The following MUS81 variants were observed in gnomAD, a reference collection of about 807,000 sequenced individuals.
The protein encoded by MUS81 is structure-specific endonuclease subunit MUS81.
In MUS81, 69 loss-of-function variants were observed where a neutral mutation model predicts 74.2. That is an observed-to-expected ratio of 0.93 (90% CI 0.77 to 1.14). MUS81 has a LOEUF of 1.14. MUS81 is among the 50% of genes most tolerant of loss of function. MUS81 has a pLI of 0.00. For synonymous variants in MUS81, 303 were observed against 300.6 expected, an observed-to-expected ratio of 1.01 and a Z score of -0.08; for missense variants, 711 against 726.5, an observed-to-expected ratio of 0.98 and a Z score of 0.25.
Position 65,860,595 on chromosome 11 carries a change from G to T in MUS81, c.-159G>T, listed in dbSNP as rs1238730096. ...GCGGCCGCAGGCTCTCCTCTCGTTAGTGCCCCCTGTGTTTGGGGCCCCGTG... is the reference window on the plus strand; with the variant it reads ...GCGGCCGCAGGCTCTCCTCTCGTTATTGCCCCCTGTGTTTGGGGCCCCGTG... On this transcript the variant is annotated 5_prime_UTR_variant, in exon 1 of 16. Transcript: ENST00000308110. 3 of 955,784 alleles carry T rather than the reference G, an allele frequency of 3.1e-6. No homozygotes were observed. The East Asian group carries it at 7.9e-5, about 25-fold the overall frequency. The allele number at this position is 955,784 out of a possible 1,614,324, so 59.2% of individuals were successfully genotyped here. A position where few individuals can be genotyped will look rare whatever the true frequency, so the allele number is the denominator to read the frequency against.
In MUS81 at chr11:65,863,893, G is replaced by T. The variant is rs1683735035; in HGVS notation, c.1051G>T (p.Glu351Ter). The change falls in exon 10 of 16, where the codon GAG becomes TAG. Residue 351 changes from glutamate (E) to a stop codon, truncating the protein, a stop_gained. Transcript: ENST00000308110. LOFTEE classifies it high-confidence loss of function. ...CAGCATCATCGACGGCCGCTTCCGG[G>T]AGCAGAAGGTAATTTTGCTGGCTTT... The part of the protein sequence containing the change: ...CSSIIDGRFR[E>*]QKFRLKRCGL... The T allele has an allele frequency of 6.2e-7, 1 of 1,613,982 alleles. No homozygotes were observed. Among genetic ancestry groups the T allele is most frequent in the Admixed American group, 1.7e-5 (1 of 60,002 alleles).
chr11:65,863,587 C>T lies in MUS81; in HGVS notation c.840-13C>T, dbSNP rs2134732824. The stretch of plus-strand genomic sequence containing the variant: ...CCCTGCTCTGATCTAGGCTTCCCTC[C>T]TTGCCACTCCAGGGGCGGGCACAGG... On this transcript the variant is annotated splice_polypyrimidine_tract_variant and intron_variant, in intron 8 of 15. Transcript: ENST00000308110. The T allele has an allele frequency of 1.2e-6, 2 of 1,613,984 alleles. No homozygotes were observed. The highest frequency in any genetic ancestry group is 1.7e-5 in the Admixed American group (1 of 59,992).
In MUS81 at chr11:65,862,973, G is replaced by T. The variant is rs185200407; in HGVS notation, c.606-92G>T. The T allele has an allele frequency of 5.1e-4, 799 of 1,554,402 alleles. 6 individuals are homozygous for T. In the African/African-American group the frequency reaches 9.4e-3, roughly 18 times the overall value. On this transcript the variant is annotated intron_variant, in intron 6 of 15. Coordinates refer to ENST00000308110, the MANE Select transcript of MUS81 (RefSeq NM_025128.5). Reference sequence around the variant, plus strand: ...GGTCATTTGTGCAGGGCGCCAAGGGGGTGGTGAGGCCAGCCCAGCTGGGGG... The same window carrying T: ...GGTCATTTGTGCAGGGCGCCAAGGGTGTGGTGAGGCCAGCCCAGCTGGGGG...
Position 65,860,784 on chromosome 11 carries a change from C to T in MUS81, c.31C>T (p.Arg11Cys). 6.5e-7 allele frequency: 1 copy of T among 1,537,346 alleles called. No homozygotes were observed. The highest frequency in any genetic ancestry group is 8.7e-7 in the Non-Finnish European group (1 of 1,146,262). MAAPVRLGRK[R>C]PLPACPNPLF... ...GGCCCCGGTCCGCCTGGGCCGGAAG[C>T]GCCCGCTGCCTGCCTGTCCCAACCC... Residue 11 changes from arginine (R) to cysteine (C), a missense_variant, in exon 1 of 16, where the codon CGC becomes TGC. Physicochemically the swap from Arg to Cys is radical, Grantham distance 180 (BLOSUM62 -3). Transcript: ENST00000308110.
At chr11:65,867,311 T>C, downstream of MUS81, 1 of 590,740 alleles carries the variant, frequency 1.7e-6, no homozygotes, top group Non-Finnish European at 3.0e-6. Context: ...TCCAGCCTGC[T>C]CTGTCTGACC....
intron 3 of MUS81, 50 bp from the exon 4 acceptor site, chr11:65,861,897 C>A: frequency 6.8e-7 from 1 of 1,471,930 alleles, no homozygotes; most frequent in Non-Finnish European, 9.3e-7. Flanking sequence ...GGGACTTATT[C>A]AAAGATGACT....
chr11:65,866,755 C>T (rs1311309620), downstream of MUS81: 1 of 924,908 alleles, frequency 1.1e-6, no homozygotes, highest in Non-Finnish European at 1.7e-6. Context: ...TTGGCCTGCC[C>T]CCCCAAGTGC....
chr11:65,860,065 C>T (rs1859525183), upstream of MUS81: 1 of 289,488 alleles, frequency 3.5e-6, no homozygotes, highest in Non-Finnish European at 7.4e-6. Context: ...CCCCGACTTC[C>T]TCTCCACCAC....
At chr11:65,861,166 C>G (rs942717957) in intron 2 of MUS81, 64 bp downstream of exon 2, 1 of 1,606,864 alleles carries the variant, frequency 6.2e-7, no homozygotes, top group Admixed American at 1.7e-5. Flanking sequence ...CCGTACTCTC[C>G]TGGGAGCCCT....
At chr11:65,867,109 T>C, downstream of MUS81, 4 of 1,612,894 alleles carry the variant, frequency 2.5e-6, no homozygotes, top group South Asian at 1.1e-5. Flanking sequence ...GGGACATATA[T>C]ATTGTGTCAG....
intron 10 of MUS81, 27 bp from the exon 11 acceptor site, chr11:65,864,470 C>T (rs1859736600): frequency 6.3e-6 from 10 of 1,595,950 alleles, no homozygotes; most frequent in African/African-American, 1.3e-5. Flanking sequence ...GCCTGACCCT[C>T]CCTGTCCACT....
At chr11:65,863,764 T>C (rs752355168) in intron 9 of MUS81, 40 bp from the exon 10 acceptor site, 1 of 1,613,860 alleles carries the variant, frequency 6.2e-7, no homozygotes. Context: ...CAGGGCCTGG[T>C]GGGTAGGGGA....
upstream of MUS81, chr11:65,860,320 C>G (rs867660972): frequency 2.2e-6 from 1 of 464,952 alleles, no homozygotes; most frequent in Non-Finnish European, 4.3e-6. Flanking sequence ...GACCTTAGAG[C>G]CGCCAAGCTC....
chr11:65,862,917 C>A, intron 6 of MUS81, 148 bp from the exon 7 acceptor site: 1 of 977,864 alleles, frequency 1.0e-6, no homozygotes. Context: ...CTCTAAGAGC[C>A]AAGAAGACCA....
In MUS81 at chr11:65,860,685, C is replaced by T. The variant is rs1309026119; in HGVS notation, c.-69C>T. On this transcript the variant is annotated 5_prime_UTR_variant, in exon 1 of 16. Transcript: ENST00000308110. ...CCCGCCCTGGGCCAGGTGTTCGAAT[C>T]CCGACTCCAGAACTGGCGGCGTCCC... 34 of 1,531,124 alleles carry T rather than the reference C, an allele frequency of 2.2e-5. No homozygotes were observed. The highest frequency in any genetic ancestry group is 3.0e-5 in the Non-Finnish European group (34 of 1,144,618). The allele number at this position is 1,531,124 out of a possible 1,614,324, so 94.8% of individuals were successfully genotyped here. A position where few individuals can be genotyped will look rare whatever the true frequency, so the allele number is the denominator to read the frequency against.
In MUS81 at chr11:65,866,095, A is replaced by C. The variant is rs752649377; in HGVS notation, c.*43A>C. ...GCCCCCAGCCCCCGTCTGTCCCCCA[A>C]CCCAGGCTAGCCAGCCTTTTAACAA... On this transcript the variant is annotated 3_prime_UTR_variant, in exon 16 of 16. Coordinates refer to ENST00000308110, the MANE Select transcript of MUS81 (RefSeq NM_025128.5). 1 of 1,573,700 alleles carries C rather than the reference A, an allele frequency of 6.4e-7. No homozygotes were observed.
At chr11:65,860,055 C>T (rs1355092557), upstream of MUS81, 1 of 283,180 alleles carries the variant, frequency 3.5e-6, no homozygotes, top group Non-Finnish European at 7.5e-6. Context: ...CTCGGCACGT[C>T]CCCGACTTCC....
rs1335387067 is a variant in MUS81, at chr11:65,866,078, C to T, written c.*26C>T. Reference sequence around the variant, plus strand: ...GCTTATGCCGTGAAACAGCCCCCAGCCCCCGTCTGTCCCCCAACCCAGGCT... The same window carrying T: ...GCTTATGCCGTGAAACAGCCCCCAGTCCCCGTCTGTCCCCCAACCCAGGCT... On this transcript the variant is annotated 3_prime_UTR_variant, in exon 16 of 16. Transcript: ENST00000308110. 1.9e-6 allele frequency: 3 copies of T among 1,605,624 alleles called. No homozygotes were observed. Among genetic ancestry groups the T allele is most frequent in the African/African-American group, 1.3e-5 (1 of 74,722 alleles).
At chr11:65,863,562 C>T (rs368779455) in intron 8 of MUS81, 38 bp from the exon 9 acceptor site, 40 of 1,613,738 alleles carry the variant, frequency 2.5e-5, no homozygotes, top group African/African-American at 9.3e-5. Flanking sequence ...GTAGGCACTG[C>T]CCTGCTCTGA....
Sources: allele counts gnomAD v4.1 joint callset, GRCh38; gene constraint gnomAD v4.1.1; transcripts MANE v1.5; gene names NCBI Gene and HGNC (gene_info 2026-07-23, HGNC 2026-07-21).